MRPL43: variants seen among roughly 807,000 people sequenced by gnomAD.
MRPL43 encodes mitochondrial ribosomal protein L43.
MRPL43 carries 9 observed loss-of-function variants against 12.7 expected under a neutral mutation model. The ratio of observed to expected loss-of-function variants is 0.71; its 90% CI spans 0.43 to 1.24. The LOEUF (loss-of-function observed/expected upper bound fraction) is 1.24, where lower values mean the gene tolerates loss of function less well. Among genes scored for constraint, MRPL43 ranks in the 50% most tolerant of loss-of-function variants. The pLI, the probability that MRPL43 is intolerant of heterozygous loss-of-function variation, is 0.00. For synonymous variants in MRPL43, 116 were observed against 96.4 expected (o/e 1.20, Z -1.19); for missense variants, 211 against 229.2 (o/e 0.92, Z 0.51).
chr10:100,979,844 C>T (rs1335966878), downstream of MRPL43: 1 of 1,613,102 alleles, frequency 6.2e-7, no homozygotes, highest in Admixed American at 1.7e-5. Flanking sequence ...ATGTCCCATT[C>T]TAGGAAGACC....
chr10:100,978,693 T>G, downstream of MRPL43: 1 of 1,581,622 alleles, frequency 6.3e-7, no homozygotes. Context: ...TTTCTTCATT[T>G]TTACTCCCTT....
rs762244137 is a variant in MRPL43, at chr10:100,987,429, C to T, written c.15G>A (p.Gly5=). The T allele has an allele frequency of 6.2e-7, 1 of 1,612,232 alleles. No individual in the cohort carries two copies. The highest frequency in any genetic ancestry group is 1.1e-5 in the South Asian group (1 of 91,054). The part of the protein sequence containing the change: MTAR[G]TPSRFLASVL... ...CGCTGGCCAAGAAGCGGCTCGGAGT[C>T]CCGCGCGCCGTCATAGCTACAGCTT... Residue 5 remains glycine (G), a synonymous_variant, in exon 1 of 3, where the codon GGG becomes GGA. Coordinates refer to ENST00000318364, the MANE Select transcript of MRPL43 (RefSeq NM_032112.3).
downstream of MRPL43, chr10:100,981,566 T>A: frequency 6.2e-7 from 1 of 1,613,234 alleles, no homozygotes; most frequent in Non-Finnish European, 8.5e-7. Context: ...CAAAAGTTAA[T>A]CATCACAGCT....
chr10:100,986,383 T>G lies in MRPL43; in HGVS notation c.*351A>C, dbSNP rs1365155587. The G allele has an allele frequency of 8.2e-6, 12 of 1,463,976 alleles. No homozygotes were observed. The highest frequency in any genetic ancestry group is 1.1e-5 in the Non-Finnish European group (12 of 1,112,096). 90.7% of individuals were successfully genotyped at this position (1,463,976 alleles called of 1,614,324 possible). On this transcript the variant is annotated 3_prime_UTR_variant, in exon 3 of 3. Coordinates refer to ENST00000318364, the MANE Select transcript of MRPL43 (RefSeq NM_032112.3). Reference sequence around the variant, plus strand: ...CTCCGTAGCTCAGTGGTTGTTCCAATAAGACATCAGGGATTCTTCAGAAGC... The same window carrying G: ...CTCCGTAGCTCAGTGGTTGTTCCAAGAAGACATCAGGGATTCTTCAGAAGC...
At chr10:100,978,898 A>C (rs765335147), downstream of MRPL43, 2 of 1,614,196 alleles carry the variant, frequency 1.2e-6, no homozygotes, top group Admixed American at 3.3e-5. Context: ...AGGCCAGTGC[A>C]GTGGGTGATG....
rs1851481812 is a variant in MRPL43, at chr10:100,986,526, G to A, written c.*208C>T. The A allele has an allele frequency of 3.2e-6, 5 of 1,552,716 alleles. No homozygotes were observed. The highest frequency in any genetic ancestry group is 2.4e-5 in the South Asian group (2 of 84,594). On this transcript the variant is annotated 3_prime_UTR_variant, in exon 3 of 3. Coordinates refer to ENST00000318364, the MANE Select transcript of MRPL43 (RefSeq NM_032112.3). ...ATCTCAGGTTTTAGGGATGCCACTT[G>A]CATAAAAATGAGTGGTTCACAAGGT... is the stretch of plus-strand genomic sequence containing the variant.
At chr10:100,983,697 C>T (rs144937502), downstream of MRPL43, 7 of 1,613,496 alleles carry the variant, frequency 4.3e-6, no homozygotes, top group African/African-American at 9.3e-5. Context: ...GGCCTCCTCC[C>T]TCCTCTATGT....
downstream of MRPL43, chr10:100,978,661 G>A: frequency 6.2e-7 from 1 of 1,602,384 alleles, no homozygotes; most frequent in Non-Finnish European, 8.6e-7. Context: ...TGAGGCACAG[G>A]ATGATGGGGG....
At chr10:100,979,891 G>A, downstream of MRPL43, 1 of 1,614,084 alleles carries the variant, frequency 6.2e-7, no homozygotes, top group Non-Finnish European at 8.5e-7. Flanking sequence ...TGACCTGGCA[G>A]AGATCCAGGC....
At chr10:100,981,341 G>C (rs1851062551), downstream of MRPL43, 1 of 1,602,192 alleles carries the variant, frequency 6.2e-7, no homozygotes, top group African/African-American at 1.3e-5. Context: ...TGTACATTTG[G>C]TAAGGATGAC....
rs776099618 is a variant in MRPL43, at chr10:100,986,717, G to A, written c.*17C>T. On this transcript the variant is annotated 3_prime_UTR_variant, in exon 3 of 3. Transcript: ENST00000318364. ...TAACAGTCCAAAGCCTGGGGCTGCA[G>A]TTGGTGGGGCAACTCTTCACTGTGC... The A allele has an allele frequency of 1.2e-6, 2 of 1,613,982 alleles. No homozygotes were observed. Among genetic ancestry groups the A allele is most frequent in the Non-Finnish European group, 1.7e-6 (2 of 1,179,956 alleles).
chr10:100,986,337 C>T lies in MRPL43; in HGVS notation c.*397G>A. 5 of 1,437,078 alleles carry T rather than the reference C, an allele frequency of 3.5e-6. No homozygotes were observed. In the South Asian group the frequency reaches 4.6e-5, roughly 13 times the overall value. The allele number at this position is 1,437,078 out of a possible 1,614,324, so 89.0% of individuals were successfully genotyped here. Reference sequence around the variant, plus strand: ...CTGTATTCACACAGATATAAAGTGCCTAGCCCATCACAGCAGAGCTCTCCG... The same window carrying T: ...CTGTATTCACACAGATATAAAGTGCTTAGCCCATCACAGCAGAGCTCTCCG... On this transcript the variant is annotated 3_prime_UTR_variant, in exon 3 of 3. Coordinates refer to ENST00000318364, the MANE Select transcript of MRPL43 (RefSeq NM_032112.3).
downstream of MRPL43, chr10:100,983,730 C>A (rs542184127): frequency 6.2e-7 from 1 of 1,613,374 alleles, no homozygotes; most frequent in East Asian, 2.2e-5. Context: ...GGAAGGCAGA[C>A]GAGGGCGCCG....
chr10:100,983,626 CTGA>C (rs1187659489), downstream of MRPL43: 2 of 1,614,040 alleles, frequency 1.2e-6, no homozygotes, highest in Non-Finnish European at 1.7e-6. Context: ...CAGCTGGCAC[CTGA>C]TGTGAGACTG....
At chr10:100,978,156 G>A (rs962189014), downstream of MRPL43, 1 of 629,046 alleles carries the variant, frequency 1.6e-6, no homozygotes, top group African/African-American at 1.8e-5. Context: ...GGATGCTTAA[G>A]TTATTGCTGT....
chr10:100,987,432 G>A lies in MRPL43; in HGVS notation c.12C>T (p.Arg4=), dbSNP rs767953473. MTA[R]GTPSRFLASV... ...TGGCCAAGAAGCGGCTCGGAGTCCC[G>A]CGCGCCGTCATAGCTACAGCTTGGA... Residue 4 remains arginine (R), a synonymous_variant, in exon 1 of 3, where the codon CGC becomes CGT. Transcript: ENST00000318364. The A allele has an allele frequency of 5.6e-6, 9 of 1,612,144 alleles. No homozygotes were observed. The highest frequency in any genetic ancestry group is 1.3e-5 in the African/African-American group (1 of 75,046).
chr10:100,979,823 C>T (rs767088790), downstream of MRPL43: 3 of 1,611,330 alleles, frequency 1.9e-6, no homozygotes, highest in South Asian at 3.3e-5. Flanking sequence ...GTAACTCACC[C>T]CCCTTGCCCT....
downstream of MRPL43, chr10:100,983,894 G>C: frequency 6.5e-7 from 1 of 1,538,932 alleles, no homozygotes; most frequent in South Asian, 1.2e-5. Context: ...TCCCTGGGGA[G>C]GGAGCCCCAG....
At chr10:100,984,967 A>G (rs544003449), downstream of MRPL43, 19 of 1,396,900 alleles carry the variant, frequency 1.4e-5, no homozygotes, top group Admixed American at 5.1e-4. Context: ...ATGTGCTTAC[A>G]TTTCCACTCA....
Sources: allele counts gnomAD v4.1 joint callset, GRCh38; gene constraint gnomAD v4.1.1; transcripts MANE v1.5; gene names NCBI Gene and HGNC (gene_info 2026-07-23, HGNC 2026-07-21).